Variants in FHIT observed in about 807,000 individuals in gnomAD.
The protein encoded by FHIT is bis(5'-adenosyl)-triphosphatase.
Under a neutral mutation model 17.9 loss-of-function variants are expected in FHIT, and 19 were observed. That is an observed-to-expected ratio of 1.06 (90% CI 0.74 to 1.56). FHIT has a LOEUF of 1.56. FHIT is among the 40% of genes most tolerant of loss of function. FHIT has a pLI of 0.00. For missense variants in FHIT, 248 were observed against 189.2 expected, an observed-to-expected ratio of 1.31 and a Z score of -1.82; for synonymous variants, 81 against 69.7, an observed-to-expected ratio of 1.16 and a Z score of -0.81.
At chr3:60,643,963 G>A (rs1553686033) in intron 4 of FHIT, among the ~76,000 whole-genome samples, 5 of 152,186 alleles carry the variant, frequency 3.3e-5, no homozygotes, top group Non-Finnish European at 5.9e-5. Flanking sequence ...AAAACAGTGT[G>A]CTGTTACCAA....
At chr3:60,368,446 A>ATAT (rs550562116) in intron 5 of FHIT, among the ~76,000 whole-genome samples, 1,687 of 151,996 alleles carry the variant, frequency 0.011, 29 homozygotes, top group African/African-American at 0.038. Flanking sequence ...ATATATAAAT[A>ATAT]TATTTATTTC....
chr3:61,201,990 A>G (rs996144934), intron 1 of FHIT, among the ~76,000 whole-genome samples: 2 of 152,064 alleles, frequency 1.3e-5, no homozygotes, highest in African/African-American at 2.4e-5. Flanking sequence ...ACATATGTGC[A>G]TATATATACA....
At chr3:61,126,586 A>G (rs990518257) in intron 2 of FHIT, among the ~76,000 whole-genome samples, 6 of 152,176 alleles carry the variant, frequency 3.9e-5, no homozygotes, top group Non-Finnish European at 8.8e-5. Context: ...CCATGATCCA[A>G]TCCCCTCCCA....
intron 5 of FHIT, among the ~76,000 whole-genome samples, chr3:60,302,229 G>C (rs1708485019): frequency 6.6e-6 from 1 of 152,052 alleles, no homozygotes; most frequent in Non-Finnish European, 1.5e-5. Context: ...TTCAAGGAAA[G>C]CTTGGTTTTT....
Position 60,658,137 on chromosome 3 carries a change from C to T in FHIT, c.-17-121158G>A, listed in dbSNP as rs115573360. On this transcript the variant is annotated intron_variant, in intron 4 of 9. Coordinates refer to ENST00000492590, the MANE Select transcript of FHIT (RefSeq NM_002012.4). ...CCCTAGCCACCATTCTACTTTCTGTCTCTACGATTTTGAATACTCAAAGCA... is the reference window on the plus strand; with the variant it reads ...CCCTAGCCACCATTCTACTTTCTGTTTCTACGATTTTGAATACTCAAAGCA... Among the ~76,000 whole-genome samples, 352 of 152,194 alleles carry T rather than the reference C, an allele frequency of 2.3e-3. 2 individuals are homozygous for T. The highest frequency in any genetic ancestry group is 8.3e-3 in the African/African-American group (343 of 41,548).
chr3:61,108,617 C>A (rs2036061570), intron 2 of FHIT, among the ~76,000 whole-genome samples: 1 of 152,220 alleles, frequency 6.6e-6, no homozygotes, highest in East Asian at 1.9e-4. Context: ...CATAATTCAT[C>A]AAGGCCTTTA....
chr3:60,181,456 G>A (rs762203607), intron 5 of FHIT, among the ~76,000 whole-genome samples: 2 of 152,026 alleles, frequency 1.3e-5, no homozygotes, highest in Non-Finnish European at 2.9e-5. Flanking sequence ...CCAGATTACA[G>A]ATTATCCTCA....
At chr3:60,635,871 T>A (rs1247919172) in intron 4 of FHIT, among the ~76,000 whole-genome samples, 2 of 152,068 alleles carry the variant, frequency 1.3e-5, no homozygotes, top group Non-Finnish European at 2.9e-5. Flanking sequence ...ATATATATAG[T>A]CTCTTGCATT....
chr3:60,247,275 G>C (rs1301992718), intron 5 of FHIT, among the ~76,000 whole-genome samples: 1 of 152,060 alleles, frequency 6.6e-6, no homozygotes, highest in Non-Finnish European at 1.5e-5. Flanking sequence ...TGTAATCCTA[G>C]CTACTTGGGA....
intron 4 of FHIT, among the ~76,000 whole-genome samples, chr3:60,684,900 T>G (rs1553697976): frequency 6.6e-6 from 1 of 152,170 alleles, no homozygotes; most frequent in African/African-American, 2.4e-5. Context: ...TATTTTGAGC[T>G]TAAAGACACT....
At chr3:61,039,705 G>A (rs370913414) in intron 3 of FHIT, among the ~76,000 whole-genome samples, 64 of 152,260 alleles carry the variant, frequency 4.2e-4, no homozygotes, top group African/African-American at 1.5e-3. Flanking sequence ...GCCTATTTGA[G>A]GGGTAGGAGT....
chr3:60,433,724 G>A (rs2029945794), intron 5 of FHIT, among the ~76,000 whole-genome samples: 1 of 152,072 alleles, frequency 6.6e-6, no homozygotes, highest in Admixed American at 6.6e-5. Context: ...TTTCTTTGGA[G>A]AAATTTCTAT....
intron 4 of FHIT, among the ~76,000 whole-genome samples, chr3:60,684,417 C>A (rs1355115787): frequency 6.6e-6 from 1 of 152,054 alleles, no homozygotes; most frequent in East Asian, 1.9e-4. Context: ...GCACACTCAC[C>A]GAAGGCCACA....
intron 7 of FHIT, among the ~76,000 whole-genome samples, chr3:59,948,485 C>T (rs1251538602): frequency 1.3e-5 from 2 of 151,228 alleles, no homozygotes; most frequent in East Asian, 1.9e-4. Flanking sequence ...CCACTGCACT[C>T]CAGCCTGGGC....
chr3:59,991,085 C>T (rs974469962), intron 7 of FHIT, among the ~76,000 whole-genome samples: 1 of 152,000 alleles, frequency 6.6e-6, no homozygotes, highest in African/African-American at 2.4e-5. Flanking sequence ...CAGCAGACTA[C>T]CAGCTCCATG....
intron 5 of FHIT, among the ~76,000 whole-genome samples, chr3:60,436,724 T>A (rs2107314598): frequency 1.3e-5 from 2 of 152,270 alleles, no homozygotes; most frequent in Middle Eastern, 6.8e-3. Flanking sequence ...CTAAGCAACA[T>A]ACGCTGCTCA....
intron 3 of FHIT, among the ~76,000 whole-genome samples, chr3:60,957,830 C>G (rs1411122272): frequency 1.3e-5 from 2 of 152,232 alleles, no homozygotes; most frequent in African/African-American, 2.4e-5. Flanking sequence ...ATATGCACAA[C>G]TGTCTATTTA....
intron 8 of FHIT, among the ~76,000 whole-genome samples, chr3:59,868,287 A>G (rs1702751313): frequency 1.3e-5 from 2 of 152,134 alleles, no homozygotes; most frequent in Admixed American, 1.3e-4. Context: ...TCCTGTTCAC[A>G]GTATAATCAG....
intron 5 of FHIT, among the ~76,000 whole-genome samples, chr3:60,130,308 T>C (rs190357014): frequency 1.3e-5 from 2 of 152,318 alleles, no homozygotes; most frequent in Admixed American, 6.5e-5. Flanking sequence ...ATGTTCACTA[T>C]TATCAGTTAA....
Sources: gnomAD v4.1 joint callset for allele counts (sites outside exome capture counted in the v4.1 genomes callset) on GRCh38, gnomAD v4.1.1 for gene constraint, MANE v1.5 for transcripts, NCBI Gene and HGNC (gene_info 2026-07-23, HGNC 2026-07-21) for gene names.